The following PPL variants were observed in gnomAD, a reference collection of about 807,000 sequenced individuals.
PPL encodes periplakin, also known as 190 kDa paraneoplastic pemphigus antigen.
PPL carries 198 observed loss-of-function variants against 194.4 expected under a neutral mutation model. The observed-to-expected ratio is 1.02, with a 90% CI of 0.91 to 1.15. The LOEUF is 1.15. Among genes scored for constraint, PPL ranks in the 50% most tolerant of loss-of-function variants. The probability of loss-of-function intolerance (pLI) is 0.00; values close to 1 mark genes in which losing one functional copy is unlikely to be tolerated. For missense variants in PPL, 2,885 were observed against 2,294.8 expected (o/e 1.26, Z -5.25); for synonymous variants, 1,220 against 972.4 (o/e 1.25, Z -4.74).
intron 2 of PPL, among the ~76,000 whole-genome samples, chr16:4,908,445 T>TCTCTCTCTCTCTCA (rs138719548): frequency 1.8e-4 from 27 of 151,258 alleles, no homozygotes; most frequent in African/African-American, 6.1e-4. Flanking sequence ...TCTCTCTCTC[T>TCTCTCTCTCTCTCA]CACACACATA....
rs114733485 is a variant in PPL at position 4,899,368 on chromosome 16, C to T, written c.623G>A (p.Arg208Gln). 1.7e-5 allele frequency: 27 copies of T among 1,608,262 alleles called. No homozygotes were observed. Among genetic ancestry groups the T allele is most frequent in the Middle Eastern group, 1.7e-4 (1 of 6,044 alleles). The change falls in exon 7 of 22, where the codon CGG becomes CAG. Residue 208 changes from arginine to glutamine, a missense_variant. Coordinates refer to ENST00000345988, the MANE Select transcript of PPL (RefSeq NM_002705.5). ...CTGCAGCGAACTCAGGTGCTGCTGC[C>T]GGGCCTGTGATGCTGCCTGAAGGGG... is the stretch of plus-strand genomic sequence containing the variant. ...YQKLLAASQA[R>Q]QQHLSSLQDY...
chr16:4,904,410 G>A lies in PPL; in HGVS notation c.163-370C>T, dbSNP rs114727643. 4.7e-3 allele frequency among the ~76,000 whole-genome samples: 714 copies of A among 152,298 alleles called. 4 individuals carry two copies. The highest frequency in any genetic ancestry group is 0.016 in the African/African-American group (674 of 41,558). On this transcript the variant is annotated intron_variant, in intron 2 of 21. Coordinates refer to ENST00000345988, the MANE Select transcript of PPL (RefSeq NM_002705.5). ...GTCTGCAAGGCCACCAGGAAGGCCA[G>A]TCAAAGGATGAGCCTCATGGAGGTG...
rs1167949222 is a variant in PPL, at chr16:4,884,008, G to A, written c.4647C>T (p.Phe1549=). Residue 1549 remains phenylalanine, a synonymous_variant, in exon 22 of 22, where the codon TTC becomes TTT. Transcript: ENST00000345988. The surrounding 1 kb of genome is among the most constrained non-coding windows in gnomAD (Gnocchi z 5.7). ...GTTCCTTGGATGACTTGGAGTTATGGAATTCCAGCTCCGAAAGCCTGGCTT... is the reference window on the plus strand; with the variant it reads ...GTTCCTTGGATGACTTGGAGTTATGAAATTCCAGCTCCGAAAGCCTGGCTT... The part of the protein sequence containing the change: ...RLEARLSELE[F]HNSKSSKELD... The A allele has an allele frequency of 6.2e-7, 1 of 1,613,914 alleles. No individual in the cohort carries two copies. The highest frequency in any genetic ancestry group is 1.6e-4 in the Middle Eastern group (1 of 6,062).
chr16:4,892,353 C>A (rs1040199621), intron 14 of PPL, 140 bp from the exon 15 acceptor site: 3 of 965,230 alleles, frequency 3.1e-6, no homozygotes, highest in African/African-American at 3.3e-5. Flanking sequence ...GGGGCTCTGA[C>A]CCGGCATCTG....
intron 1 of PPL, among the ~76,000 whole-genome samples, chr16:4,922,764 G>C (rs775703264): frequency 7.7e-6 from 1 of 130,274 alleles, no homozygotes; most frequent in Non-Finnish European, 1.7e-5. Context: ...GCAGACCCCC[G>C]GCCGTCCACA....
At chr16:4,922,901 G>A (rs1433164199) in intron 1 of PPL, among the ~76,000 whole-genome samples, 1 of 152,148 alleles carries the variant, frequency 6.6e-6, no homozygotes, top group Non-Finnish European at 1.5e-5. Context: ...CAACATCTGC[G>A]AGGAGAGGCT....
intron 18 of PPL, 67 bp downstream of exon 18, chr16:4,890,115 AAG>A: frequency 6.2e-7 from 1 of 1,609,470 alleles, no homozygotes; most frequent in Non-Finnish European, 8.5e-7. Flanking sequence ...GCTCCCCAGA[AAG>A]GGGCTTGTTG....
At chr16:4,936,006 G>T (rs1013531177) in intron 1 of PPL, among the ~76,000 whole-genome samples, 1 of 152,184 alleles carries the variant, frequency 6.6e-6, no homozygotes, top group East Asian at 1.9e-4. Flanking sequence ...CCGAAGTGGG[G>T]ATATAAGGCA....
chr16:4,925,330 C>G (rs1015931162), intron 1 of PPL, among the ~76,000 whole-genome samples: 1 of 152,204 alleles, frequency 6.6e-6, no homozygotes, highest in African/African-American at 2.4e-5. Flanking sequence ...AACATCTGCC[C>G]TGGCTCTGAC....
Position 4,884,869 on chromosome 16 carries a change from G to A in PPL, c.3786C>T (p.Ile1262=), listed in dbSNP as rs369389969. 13 of 1,613,810 alleles carry A rather than the reference G, an allele frequency of 8.1e-6. No homozygotes were observed. Among genetic ancestry groups the A allele is most frequent in the East Asian group, 4.5e-5 (2 of 44,880 alleles). ...GGTAGATCTCTAAATCACACCTTTCGATCAGTCTGGTCTTGTCCACGATCT... is the reference window on the plus strand; with the variant it reads ...GGTAGATCTCTAAATCACACCTTTCAATCAGTCTGGTCTTGTCCACGATCT... ...REEIVDKTRL[I]ERCDLEIYQL... is the part of the protein sequence containing the mutation. The change falls in exon 22 of 22, where the codon ATC becomes ATT. Residue 1262 remains isoleucine (I), a synonymous_variant. Coordinates refer to ENST00000345988, the MANE Select transcript of PPL (RefSeq NM_002705.5). This position sits in a 1 kb window ranked among gnomAD's most constrained non-coding sequence, Gnocchi z 5.7.
At position 4,883,585 on chromosome 16, in the gene PPL, G is replaced by C. The variant is rs1664432816; in HGVS notation, c.5070C>G (p.Ser1690Arg). Residue 1690 changes from serine to arginine, a missense_variant, in exon 22 of 22, where the codon AGC becomes AGG. Physicochemically the swap from Ser to Arg is moderately radical, Grantham distance 110 (BLOSUM62 -1). Coordinates refer to ENST00000345988, the MANE Select transcript of PPL (RefSeq NM_002705.5). The surrounding 1 kb of genome is among the most constrained non-coding windows in gnomAD (Gnocchi z 4.8). ...IDWNMFVKLRSQECDWEEISV... is the reference protein window; with the variant it reads ...IDWNMFVKLRRQECDWEEISV... ...AGATCTCCTCCCAGTCGCACTCCTG[G>C]CTTCTGAGTTTCACGAACATGTTCC... 2 of 1,614,150 alleles carry C rather than the reference G, an allele frequency of 1.2e-6. No homozygotes were observed. The highest frequency in any genetic ancestry group is 1.7e-6 in the Non-Finnish European group (2 of 1,180,008).
chr16:4,889,617 CAA>C lies in PPL; in HGVS notation c.2314-558_2314-557del, dbSNP rs563554475. Among the ~76,000 whole-genome samples, 175 of 152,242 alleles carry C rather than the reference CAA, an allele frequency of 1.1e-3. 1 individual carries two copies. Among genetic ancestry groups the C allele is most frequent in the Non-Finnish European group, 2.1e-3 (141 of 68,016 alleles). ...CAAGATCATTATCTCTGCTAGGAAA[CAA>C]ATGTTTACTGATGATTTGGACCACC... On this transcript the variant is annotated intron_variant, in intron 18 of 21. Coordinates refer to ENST00000345988, the MANE Select transcript of PPL (RefSeq NM_002705.5).
chr16:4,910,801 G>A (rs778420444), intron 2 of PPL, 49 bp downstream of exon 2: 38 of 1,477,098 alleles, frequency 2.6e-5, no homozygotes, highest in Non-Finnish European at 2.9e-5. Context: ...TCCTGAACAG[G>A]GCTGGCAGCA....
At position 4,882,714 on chromosome 16, in the gene PPL, T is replaced by G. The variant is rs1490708378; in HGVS notation, c.*670A>C. ...GAAACTAAGGCTAACAGCAGCACAA[T>G]CCACTATCAAAGGATTTAAATGCCA... is the stretch of plus-strand genomic sequence containing the variant. On this transcript the variant is annotated 3_prime_UTR_variant, in exon 22 of 22. Coordinates refer to ENST00000345988, the MANE Select transcript of PPL (RefSeq NM_002705.5). 4 of 152,448 alleles carry G rather than the reference T, an allele frequency of 2.6e-5. No homozygotes were observed. The highest frequency in any genetic ancestry group is 5.9e-5 in the Non-Finnish European group (4 of 68,264). The allele number at this position is 152,448 out of a possible 1,614,324, so 9.4% of individuals were successfully genotyped here.
chr16:4,931,553 C>T (rs1000507057), intron 1 of PPL, among the ~76,000 whole-genome samples: 8 of 152,132 alleles, frequency 5.3e-5, no homozygotes, highest in Non-Finnish European at 1.2e-4. Context: ...TTTCCCCATT[C>T]GCTCCCAAGA....
At chr16:4,917,851 G>A (rs915081262) in intron 1 of PPL, among the ~76,000 whole-genome samples, 8 of 152,012 alleles carry the variant, frequency 5.3e-5, no homozygotes, top group Non-Finnish European at 8.8e-5. Flanking sequence ...GCAGTGAGCC[G>A]AGATTTCGCC....
Position 4,902,425 on chromosome 16 carries a change from G to A in PPL, c.419C>T (p.Ala140Val), listed in dbSNP as rs374397102. 22 of 1,613,870 alleles carry A rather than the reference G, an allele frequency of 1.4e-5. No homozygotes were observed. Among genetic ancestry groups the A allele is most frequent in the South Asian group, 9.9e-5 (9 of 91,046 alleles). Residue 140 changes from alanine to valine, a missense_variant, in exon 4 of 22, where the codon GCA becomes GTA. By Grantham distance (64) the Ala-to-Val change is moderately conservative (BLOSUM62 0). Transcript: ENST00000345988. This position sits in a 1 kb window ranked among gnomAD's most constrained non-coding sequence, Gnocchi z 4.0. ...CCATACCAGCTTCTCCTCCACCAGT[G>A]CCGCCCAGTTGACCTGTGGATCCAC... ...KEVDPQVNWAALVEEKLDKLN... is the reference protein window; with the variant it reads ...KEVDPQVNWAVLVEEKLDKLN...
In PPL at chr16:4,899,245, G is replaced by A. The variant is rs762228729; in HGVS notation, c.746C>T (p.Pro249Leu). The A allele has an allele frequency of 4.3e-6, 7 of 1,613,930 alleles. No individual in the cohort carries two copies. Among genetic ancestry groups the A allele is most frequent in the Non-Finnish European group, 5.9e-6 (7 of 1,179,966 alleles). The change falls in exon 7 of 22, where the codon CCC becomes CTC. Residue 249 changes from proline (P) to leucine (L), a missense_variant. Pro to Leu is a moderately conservative substitution (Grantham distance 98). Coordinates refer to ENST00000345988, the MANE Select transcript of PPL (RefSeq NM_002705.5). ...YDWSDRNLDYPSRRRQYENFI... is the reference protein window; with the variant it reads ...YDWSDRNLDYLSRRRQYENFI... ...CACCTCATACTGGCGCCGGCGGCTG[G>A]GGTAGTCGAGGTTGCGGTCACTCCA...
chr16:4,883,629 G>A lies in PPL; in HGVS notation c.5026C>T (p.Arg1676Cys), dbSNP rs370228529. 8.7e-6 allele frequency: 14 copies of A among 1,614,066 alleles called. No homozygotes were observed. The South Asian group carries it at 9.9e-5, about 11-fold the overall frequency. The change falls in exon 22 of 22, where the codon CGT becomes TGT. Residue 1676 changes from arginine (R) to cysteine (C), a missense_variant. Physicochemically the swap from Arg to Cys is radical, Grantham distance 180. Transcript: ENST00000345988. This position sits in a 1 kb window ranked among gnomAD's most constrained non-coding sequence, Gnocchi z 4.8. ...ATGTTCCAGTCAATGAGCCCGGCAC[G>A]GTGGGCTTCCTCCGGGGACAGCTCG... ...GRELSPEEAH[R>C]AGLIDWNMFV...
Sources: allele counts gnomAD v4.1 joint callset (sites outside exome capture counted in the v4.1 genomes callset), GRCh38; gene constraint gnomAD v4.1.1; non-coding constraint Gnocchi (gnomAD v3.1); transcripts MANE v1.5; gene names NCBI Gene and HGNC (gene_info 2026-07-23, HGNC 2026-07-21).